Variants in ACSL3 observed in about 807,000 individuals in gnomAD.
ACSL3 encodes the protein fatty acid CoA ligase Acsl3.
In ACSL3, 34 loss-of-function variants were observed where a neutral mutation model predicts 84.7. The observed-to-expected ratio is 0.40, with a 90% confidence interval of 0.31 to 0.53. The LOEUF (loss-of-function observed/expected upper bound fraction) is 0.53, where lower values mean the gene tolerates loss of function less well. ACSL3 is among the 20% of genes least tolerant of loss of function. ACSL3 has a pLI of 0.48. For missense variants in ACSL3, 680 were observed against 873.1 expected, an observed-to-expected ratio of 0.78 and a Z score of 2.79; for synonymous variants, 315 against 299.4, an observed-to-expected ratio of 1.05 and a Z score of -0.54.
chr2:222,926,810 T>A (rs570825526), intron 11 of ACSL3, among the ~76,000 whole-genome samples: 11 of 152,286 alleles, frequency 7.2e-5, no homozygotes, highest in African/African-American at 2.6e-4. Context: ...TGAAAAGCTC[T>A]TAAGAGGAAA....
intron 1 of ACSL3, among the ~76,000 whole-genome samples, chr2:222,883,346 G>A (rs1377824351): frequency 6.6e-6 from 1 of 151,728 alleles, no homozygotes; most frequent in Non-Finnish European, 1.5e-5. Flanking sequence ...CACTATGCCT[G>A]GCTAATTTTG....
At chr2:222,939,024 T>G (rs1005044740) in intron 16 of ACSL3, among the ~76,000 whole-genome samples, 1 of 152,204 alleles carries the variant, frequency 6.6e-6, no homozygotes, top group Non-Finnish European at 1.5e-5. Flanking sequence ...TTGTTTTTTT[T>G]CAGGTGTCTG....
At chr2:222,928,242 G>T (rs535885403) in intron 12 of ACSL3, among the ~76,000 whole-genome samples, 1 of 152,182 alleles carries the variant, frequency 6.6e-6, no homozygotes, top group Admixed American at 6.5e-5. Flanking sequence ...AGCTATTGCT[G>T]TATTAATTTT....
At chr2:222,903,658 A>G (rs887796775) in intron 3 of ACSL3, among the ~76,000 whole-genome samples, 2 of 152,248 alleles carry the variant, frequency 1.3e-5, no homozygotes, top group African/African-American at 4.8e-5. Context: ...CTGTATCCCA[A>G]TGGAATAAAT....
rs745502494 is a variant in ACSL3, at chr2:222,908,911, T to A, written c.139T>A (p.Ser47Thr). The A allele has an allele frequency of 2.5e-5, 41 of 1,612,506 alleles. No individual in the cohort carries two copies. The Middle Eastern group carries it at 8.3e-4, about 32-fold the overall frequency. ...CATTCCGTTTTATTTTTTCTCCGAG[T>A]CAAGACAAGAAAAATCAAACCGAAT... is the stretch of plus-strand genomic sequence containing the variant. ...TYIPFYFFSE[S>T]RQEKSNRIKA... is the part of the protein sequence containing the mutation. The change falls in exon 4 of 17, where the codon TCA (serine) becomes ACA (threonine). Residue 47 changes from serine to threonine, a missense_variant. Transcript: ENST00000357430.
At chr2:222,899,865 T>A (rs1207933518) in intron 2 of ACSL3, among the ~76,000 whole-genome samples, 2 of 152,222 alleles carry the variant, frequency 1.3e-5, no homozygotes, top group Non-Finnish European at 2.9e-5. Flanking sequence ...TCGGGATATC[T>A]GGACACTCCC....
At chr2:222,905,470 T>C (rs978838413) in intron 3 of ACSL3, among the ~76,000 whole-genome samples, 3 of 152,246 alleles carry the variant, frequency 2.0e-5, no homozygotes, top group African/African-American at 7.2e-5. Context: ...CATGATATTA[T>C]TTTTAATTCA....
rs1421279436 is a variant in ACSL3 at position 222,944,568 on chromosome 2, A to G, written c.*2914A>G. 1 of 151,490 alleles carries G rather than the reference A, an allele frequency of 6.6e-6. No individual in the cohort carries two copies. Among genetic ancestry groups the G allele is most frequent in the Admixed American group, 6.6e-5 (1 of 15,222 alleles). The allele number at this position is 151,490 out of a possible 1,614,324, so 9.4% of individuals were successfully genotyped here. ...TATCATAAAGAGCTACATGGTATGG[A>G]CTATTTATTTGTAATTTGACATAAA... On this transcript the variant is annotated 3_prime_UTR_variant, in exon 17 of 17. Coordinates refer to ENST00000357430, the MANE Select transcript of ACSL3 (RefSeq NM_004457.5).
rs908806517 is a variant in ACSL3 at position 222,942,126 on chromosome 2, A to T, written c.*472A>T. The T allele has an allele frequency of 4.9e-6, 1 of 205,568 alleles. No individual in the cohort carries two copies. Among genetic ancestry groups the T allele is most frequent in the African/African-American group, 2.3e-5 (1 of 43,874 alleles). The allele number at this position is 205,568 out of a possible 1,614,324, so 12.7% of individuals were successfully genotyped here. On this transcript the variant is annotated 3_prime_UTR_variant, in exon 17 of 17. Transcript: ENST00000357430. The stretch of plus-strand genomic sequence containing the variant: ...ATTATGTAAATTTCAAATGCTTATG[A>T]ATCAAATCATTGTTGAACAAAAGAT...
chr2:222,873,220 C>A lies in ACSL3; in HGVS notation c.-207+11962C>A, dbSNP rs191701458. 1.9e-3 allele frequency among the ~76,000 whole-genome samples: 285 copies of A among 152,334 alleles called. 1 individual carries two copies. The highest frequency in any genetic ancestry group is 6.4e-3 in the African/African-American group (264 of 41,572). ...AAAATTATCTTCAGCAGTATTAAAA[C>A]ATCTATAAATATATATAACAATATA... is the stretch of plus-strand genomic sequence containing the variant. On this transcript the variant is annotated intron_variant, in intron 1 of 16. Coordinates refer to ENST00000357430, the MANE Select transcript of ACSL3 (RefSeq NM_004457.5).
At chr2:222,926,959 G>A (rs1205960721) in intron 11 of ACSL3, 58 bp from the exon 12 acceptor site, 2 of 1,563,628 alleles carry the variant, frequency 1.3e-6, no homozygotes, top group Middle Eastern at 1.7e-4. Context: ...TAGTTTAAGT[G>A]ATTTGGAAAA....
At chr2:222,921,858 A>AGACTGAT (rs1405396577) in intron 8 of ACSL3, among the ~76,000 whole-genome samples, 1 of 152,160 alleles carries the variant, frequency 6.6e-6, no homozygotes, top group Non-Finnish European at 1.5e-5. Context: ...AGTGGGGAAG[A>AGACTGAT]GACTGATGGA....
chr2:222,920,105 T>C (rs1391120150), intron 7 of ACSL3, among the ~76,000 whole-genome samples: 1 of 152,114 alleles, frequency 6.6e-6, no homozygotes, highest in African/African-American at 2.4e-5. Context: ...GATCAGGGGC[T>C]GCATGCAGAG....
chr2:222,874,722 T>A (rs1695401991), intron 1 of ACSL3, among the ~76,000 whole-genome samples: 1 of 151,962 alleles, frequency 6.6e-6, no homozygotes, highest in African/African-American at 2.4e-5. Flanking sequence ...GTTAAACCAG[T>A]CTTAATCTAG....
chr2:222,910,450 G>A (rs927228061), intron 4 of ACSL3, among the ~76,000 whole-genome samples: 1 of 152,118 alleles, frequency 6.6e-6, no homozygotes, highest in African/African-American at 2.4e-5. Context: ...CAAGGAAACC[G>A]TCAACTCTTG....
intron 2 of ACSL3, among the ~76,000 whole-genome samples, 174 bp downstream of exon 2, chr2:222,888,062 TA>T (rs1467548585): frequency 6.6e-6 from 1 of 152,224 alleles, no homozygotes; most frequent in East Asian, 1.9e-4. Flanking sequence ...ATTGGGACAT[TA>T]AACCATGTCA....
Position 222,931,755 on chromosome 2 carries a change from C to A in ACSL3, c.1732+943C>A, listed in dbSNP as rs937346892. 2.6e-5 allele frequency among the ~76,000 whole-genome samples: 4 copies of A among 152,298 alleles called. No homozygotes were observed. In the East Asian group the frequency reaches 5.8e-4, roughly 22 times the overall value. ...CCTAGAAGCTCAGTTCAGGGTGCCCCTGTTAACATTGTTCCCCTCTTCACC... is the reference window on the plus strand; with the variant it reads ...CCTAGAAGCTCAGTTCAGGGTGCCCATGTTAACATTGTTCCCCTCTTCACC... On this transcript the variant is annotated intron_variant, in intron 14 of 16. Transcript: ENST00000357430.
chr2:222,892,684 G>A (rs795888), intron 2 of ACSL3, among the ~76,000 whole-genome samples: 77,146 of 151,906 alleles, frequency 0.51, 20,146 homozygotes, highest in East Asian at 0.76. Context: ...CAACAATAAG[G>A]TATTAACTAT....
At chr2:222,920,720 A>G (rs1696709611) in intron 7 of ACSL3, among the ~76,000 whole-genome samples, 1 of 152,164 alleles carries the variant, frequency 6.6e-6, no homozygotes, top group Admixed American at 6.5e-5. Context: ...TTACATCCAG[A>G]ACGTAATCCA....
Sources: gnomAD v4.1 joint callset for allele counts (sites outside exome capture counted in the v4.1 genomes callset) on GRCh38, gnomAD v4.1.1 for gene constraint, MANE v1.5 for transcripts, NCBI Gene and HGNC (gene_info 2026-07-23, HGNC 2026-07-21) for gene names.